WWOX: variants seen among roughly 807,000 people sequenced by gnomAD.
The protein encoded by WWOX is WW domain containing oxidoreductase, also known as WW domain-containing oxidoreductase.
In WWOX, 69 loss-of-function variants were observed where a neutral mutation model predicts 46.2. The observed-to-expected ratio is 1.49, with a 90% CI of 1.23 to 1.82. The LOEUF (loss-of-function observed/expected upper bound fraction) is 1.82. Among genes scored for constraint, WWOX ranks in the 40% most tolerant of loss-of-function variants. The pLI is 0.00. For missense variants in WWOX, 919 were observed against 542.6 expected, an observed-to-expected ratio of 1.69 and a Z score of -6.89; for synonymous variants, 359 against 202.6, an observed-to-expected ratio of 1.77 and a Z score of -6.56.
chr16:78,788,096 G>A (rs569693560), intron 8 of WWOX, among the ~76,000 whole-genome samples: 1 of 151,956 alleles, frequency 6.6e-6, no homozygotes, highest in African/African-American at 2.4e-5. Context: ...CTATGGGTAG[G>A]CTTTTTTACT....
At chr16:78,785,663 C>T (rs1258577916) in intron 8 of WWOX, among the ~76,000 whole-genome samples, 1 of 152,140 alleles carries the variant, frequency 6.6e-6, no homozygotes, top group Non-Finnish European at 1.5e-5. Flanking sequence ...ATTACAAAAC[C>T]ATTGTTGCAG....
intron 8 of WWOX, among the ~76,000 whole-genome samples, chr16:78,777,128 A>G (rs962138835): frequency 2.6e-5 from 4 of 152,166 alleles, no homozygotes; most frequent in African/African-American, 9.7e-5. Flanking sequence ...TTTCAGAATC[A>G]TTGTTTCTTG....
intron 5 of WWOX, among the ~76,000 whole-genome samples, chr16:78,334,508 A>G (rs191772491): frequency 1.3e-5 from 2 of 152,274 alleles, no homozygotes; most frequent in East Asian, 1.9e-4. Flanking sequence ...TGGCAAAAAT[A>G]TCAGAAATGG....
intron 8 of WWOX, among the ~76,000 whole-genome samples, chr16:78,553,641 G>C (rs1247778508): frequency 6.6e-6 from 1 of 152,136 alleles, no homozygotes; most frequent in Non-Finnish European, 1.5e-5. Flanking sequence ...CCTAATAGAA[G>C]GAGGGATGCC....
chr16:78,478,117 C>T (rs1339283131), intron 8 of WWOX, among the ~76,000 whole-genome samples: 3 of 151,976 alleles, frequency 2.0e-5, no homozygotes, highest in Admixed American at 2.0e-4. Context: ...TGTAGTATAG[C>T]ACAGAATGAA....
chr16:78,617,188 G>C (rs1313636953), intron 8 of WWOX, among the ~76,000 whole-genome samples: 2 of 152,128 alleles, frequency 1.3e-5, no homozygotes, highest in Non-Finnish European at 2.9e-5. Context: ...GAGGCAGGTG[G>C]ATCACTTGAG....
At chr16:79,015,053 C>G (rs1196024544) in intron 8 of WWOX, among the ~76,000 whole-genome samples, 3 of 152,176 alleles carry the variant, frequency 2.0e-5, no homozygotes, top group Admixed American at 2.0e-4. Flanking sequence ...GGCCTTTCTC[C>G]TGCTGTCATC....
intron 8 of WWOX, among the ~76,000 whole-genome samples, chr16:78,861,703 A>G (rs2043889037): frequency 6.6e-6 from 1 of 152,174 alleles, no homozygotes; most frequent in African/African-American, 2.4e-5. Flanking sequence ...GTCATCTTTC[A>G]TTAGTTTGTT....
rs550514876 is a variant in WWOX, at chr16:79,027,567, C to G, written c.1057-184041C>G. On this transcript the variant is annotated intron_variant, in intron 8 of 8. Coordinates refer to ENST00000566780, the MANE Select transcript of WWOX (RefSeq NM_016373.4). The stretch of plus-strand genomic sequence containing the variant: ...GGAGAGCCTTTGATTATAACATCAG[C>G]CTGTCATTTGGACCTCTGACCTGAA... 9.2e-5 allele frequency among the ~76,000 whole-genome samples: 14 copies of G among 151,870 alleles called. No individual in the cohort carries two copies. The South Asian group carries it at 2.5e-3, about 27-fold the overall frequency.
intron 8 of WWOX, among the ~76,000 whole-genome samples, chr16:78,643,021 C>A (rs1293355824): frequency 6.6e-6 from 1 of 152,050 alleles, no homozygotes; most frequent in Non-Finnish European, 1.5e-5. Context: ...GTGCCTGGCA[C>A]AAAGTAAATG....
chr16:78,500,500 A>T (rs1486098676), intron 8 of WWOX, among the ~76,000 whole-genome samples: 1 of 151,028 alleles, frequency 6.6e-6, no homozygotes, highest in Non-Finnish European at 1.5e-5. Flanking sequence ...TGGGTTAACC[A>T]TGGTAGCATT....
intron 7 of WWOX, among the ~76,000 whole-genome samples, chr16:78,430,252 C>G (rs1734540136): frequency 1.3e-5 from 2 of 152,118 alleles, no homozygotes; most frequent in African/African-American, 4.8e-5. Context: ...AAAGCACCCC[C>G]ATGATTCACT....
chr16:78,230,340 T>G (rs572141000), intron 5 of WWOX, among the ~76,000 whole-genome samples: 22 of 152,218 alleles, frequency 1.4e-4, no homozygotes, highest in African/African-American at 4.8e-4. Flanking sequence ...GTATTTCAGC[T>G]GTGTCCATGA....
chr16:78,876,791 C>G (rs1050733185), intron 8 of WWOX, among the ~76,000 whole-genome samples: 14 of 152,078 alleles, frequency 9.2e-5, no homozygotes, highest in African/African-American at 3.4e-4. Context: ...CCTTAAACAC[C>G]TCATCTATTA....
rs149010829 is a variant in WWOX at position 78,691,175 on chromosome 16, G to A, written c.1056+258423G>A. 4.1e-4 allele frequency: 285 copies of A among 697,488 alleles called. 2 individuals are homozygous for A. Among genetic ancestry groups the A allele is most frequent in the African/African-American group, 2.6e-3 (150 of 57,114 alleles). The allele number at this position is 697,488 out of a possible 1,614,324, so 43.2% of individuals were successfully genotyped here. ...ACAGTATTTCCCCCAGTGTTTGTGC[G>A]ATAAGAGAATAGATGTAGGTCCAGC... On this transcript the variant is annotated intron_variant, in intron 8 of 8. Coordinates refer to ENST00000566780, the MANE Select transcript of WWOX (RefSeq NM_016373.4).
rs531782708 is a variant in WWOX at position 78,411,949 on chromosome 16, G to A, written c.606-12921G>A. Among the ~76,000 whole-genome samples the A allele has an allele frequency of 2.0e-5, 3 of 152,320 alleles. No homozygotes were observed. In the South Asian group the frequency reaches 6.2e-4, roughly 32 times the overall value. On this transcript the variant is annotated intron_variant, in intron 6 of 8. Transcript: ENST00000566780. ...GAAATCTGTTTCCGCCCGATTCCAT[G>A]GGGAGCTCTGGAGAAGGAATTGTAT...
intron 5 of WWOX, among the ~76,000 whole-genome samples, chr16:78,209,835 A>G (rs1413294597): frequency 6.6e-6 from 1 of 152,258 alleles, no homozygotes; most frequent in African/African-American, 2.4e-5. Flanking sequence ...TGAAATATGT[A>G]TGTCTTTCCA....
intron 8 of WWOX, among the ~76,000 whole-genome samples, chr16:78,634,518 C>T (rs1169533204): frequency 6.6e-6 from 1 of 151,822 alleles, no homozygotes; most frequent in Non-Finnish European, 1.5e-5. Flanking sequence ...CCAGCCTGGC[C>T]AACATGGTGA....
intron 8 of WWOX, among the ~76,000 whole-genome samples, chr16:78,490,060 A>G (rs978739972): frequency 6.6e-6 from 1 of 152,084 alleles, no homozygotes; most frequent in Non-Finnish European, 1.5e-5. Context: ...GGAGACTAAT[A>G]TTAGTTTATT....
Sources: gnomAD v4.1 joint callset for allele counts (sites outside exome capture counted in the v4.1 genomes callset) on GRCh38, gnomAD v4.1.1 for gene constraint, MANE v1.5 for transcripts, NCBI Gene and HGNC (gene_info 2026-07-23, HGNC 2026-07-21) for gene names.